SLC25A21: variants seen among roughly 807,000 people sequenced by gnomAD.
SLC25A21 encodes the protein mitochondrial 2-oxodicarboxylate carrier.
A neutral mutation model predicts 43.8 loss-of-function variants in SLC25A21; 47 were observed. The observed-to-expected ratio is 1.07, with a 90% CI of 0.85 to 1.37. The LOEUF is 1.37. SLC25A21 is among the 40% of genes most tolerant of loss of function. SLC25A21 has a pLI of 0.00. For synonymous variants in SLC25A21, 131 were observed against 121.3 expected (o/e 1.08, Z -0.52); for missense variants, 352 against 350.2 (o/e 1.00, Z -0.04).
intron 3 of SLC25A21, among the ~76,000 whole-genome samples, chr14:36,735,530 C>T (rs952291925): frequency 6.6e-6 from 1 of 150,958 alleles, no homozygotes; most frequent in Non-Finnish European, 1.5e-5. Context: ...CTCTGATTCA[C>T]CCCCCAAGCT....
At chr14:37,070,864 C>T (rs181608425) in intron 1 of SLC25A21, among the ~76,000 whole-genome samples, 7 of 152,234 alleles carry the variant, frequency 4.6e-5, no homozygotes, top group East Asian at 1.9e-4. Context: ...AGGTGAGAAG[C>T]GCTCTGCCCC....
At chr14:36,752,102 C>G (rs924925574) in intron 3 of SLC25A21, among the ~76,000 whole-genome samples, 3 of 152,176 alleles carry the variant, frequency 2.0e-5, no homozygotes, top group Admixed American at 6.5e-5. Context: ...AGGCGAAGAA[C>G]AGGCAGAAAA....
intron 1 of SLC25A21, among the ~76,000 whole-genome samples, chr14:37,073,016 T>C (rs1244602306): frequency 6.6e-6 from 1 of 152,312 alleles, no homozygotes; most frequent in African/African-American, 2.4e-5. Context: ...TTCATCCAGT[T>C]GAAAGGGCTA....
intron 3 of SLC25A21, among the ~76,000 whole-genome samples, chr14:36,772,412 A>G (rs1268788923): frequency 2.6e-5 from 4 of 152,216 alleles, no homozygotes; most frequent in Non-Finnish European, 5.9e-5. Context: ...CTTTTGAAAC[A>G]TATGCATTTC....
chr14:36,710,738 A>G (rs1415299339), intron 7 of SLC25A21, among the ~76,000 whole-genome samples: 5 of 152,132 alleles, frequency 3.3e-5, no homozygotes, highest in Admixed American at 6.5e-5. Flanking sequence ...CCTATAAACT[A>G]TCATTTCAAA....
In SLC25A21 at chr14:37,007,067, A is replaced by C. The variant is rs544185114; in HGVS notation, c.71-132063T>G. 1.3e-4 allele frequency among the ~76,000 whole-genome samples: 20 copies of C among 152,354 alleles called. 1 individual carries two copies. In the South Asian group the frequency reaches 4.1e-3, roughly 32 times the overall value. The stretch of plus-strand genomic sequence containing the variant: ...ATGTGAAGACACCATAGGGTGATTA[A>C]GATATTAGAAGGATAGATGATAGAG... On this transcript the variant is annotated intron_variant, in intron 1 of 9. Transcript: ENST00000331299.
intron 1 of SLC25A21, among the ~76,000 whole-genome samples, chr14:37,101,439 G>A (rs1392976191): frequency 6.6e-6 from 1 of 152,126 alleles, no homozygotes; most frequent in Non-Finnish European, 1.5e-5. Context: ...AACCATTTAT[G>A]ACAAGAAATG....
Position 36,856,532 on chromosome 14 carries a change from T to C in SLC25A21, c.119+18424A>G, listed in dbSNP as rs553375628. ...CCAAAGCCAAGACACCAGAGAATGC[T>C]TGATGATCTCCCACTGACTGCTTCC... On this transcript the variant is annotated intron_variant, in intron 2 of 9. Transcript: ENST00000331299. 6.6e-5 allele frequency among the ~76,000 whole-genome samples: 10 copies of C among 152,238 alleles called. No individual in the cohort carries two copies. In the East Asian group the frequency reaches 1.2e-3, roughly 18 times the overall value.
At chr14:36,737,536 TGTTG>T (rs1242690858) in intron 3 of SLC25A21, among the ~76,000 whole-genome samples, 1 of 152,136 alleles carries the variant, frequency 6.6e-6, no homozygotes, top group African/African-American at 2.4e-5. Flanking sequence ...AGGCAGCCTT[TGTTG>T]GTAAATGGAA....
At chr14:36,764,395 C>T (rs1041330695) in intron 3 of SLC25A21, among the ~76,000 whole-genome samples, 3 of 151,422 alleles carry the variant, frequency 2.0e-5, no homozygotes, top group African/African-American at 7.3e-5. Flanking sequence ...AAACAGAAAC[C>T]ATGGAGAAAA....
At chr14:37,150,451 A>G (rs746677078) in intron 1 of SLC25A21, among the ~76,000 whole-genome samples, 3 of 152,138 alleles carry the variant, frequency 2.0e-5, no homozygotes, top group Non-Finnish European at 2.9e-5. Flanking sequence ...CCATTTTTCC[A>G]TACATACACA....
intron 1 of SLC25A21, among the ~76,000 whole-genome samples, chr14:36,946,263 C>T (rs901496999): frequency 2.0e-5 from 3 of 152,074 alleles, no homozygotes; most frequent in African/African-American, 4.8e-5. Context: ...AGCTTTAAAG[C>T]GTCAAGGATC....
chr14:36,965,886 T>C (rs1477998949), intron 1 of SLC25A21, among the ~76,000 whole-genome samples: 2 of 152,192 alleles, frequency 1.3e-5, no homozygotes, highest in African/African-American at 4.8e-5. Context: ...GAGTATAATT[T>C]GATTGCTTGT....
intron 6 of SLC25A21, among the ~76,000 whole-genome samples, chr14:36,715,177 G>C (rs1038792807): frequency 1.3e-5 from 2 of 152,040 alleles, no homozygotes; most frequent in African/African-American, 4.8e-5. Flanking sequence ...TATTTTTCTG[G>C]CAAATGGAGG....
intron 1 of SLC25A21, among the ~76,000 whole-genome samples, chr14:37,071,551 G>C (rs1195120261): frequency 1.3e-5 from 2 of 152,120 alleles, no homozygotes; most frequent in East Asian, 3.9e-4. Flanking sequence ...CTATGTTTTT[G>C]ATAATCATTA....
intron 1 of SLC25A21, among the ~76,000 whole-genome samples, chr14:37,035,668 T>C (rs1360471021): frequency 6.6e-6 from 1 of 152,146 alleles, no homozygotes; most frequent in East Asian, 1.9e-4. Context: ...AAGGAAGACC[T>C]CAAGCTGAAA....
intron 7 of SLC25A21, among the ~76,000 whole-genome samples, chr14:36,694,579 C>T (rs558650484): frequency 5.9e-5 from 9 of 152,180 alleles, no homozygotes; most frequent in Non-Finnish European, 1.3e-4. Context: ...TCTCTTGTTT[C>T]CTGACTTTTT....
chr14:37,054,832 C>G (rs746622920), intron 1 of SLC25A21, among the ~76,000 whole-genome samples: 4 of 152,140 alleles, frequency 2.6e-5, no homozygotes, highest in Non-Finnish European at 5.9e-5. Context: ...AAAATAATCT[C>G]AAAATTATGA....
At chr14:37,018,766 C>T (rs1960918386) in intron 1 of SLC25A21, among the ~76,000 whole-genome samples, 1 of 151,656 alleles carries the variant, frequency 6.6e-6, no homozygotes, top group Non-Finnish European at 1.5e-5. Context: ...TCCCTTTGCA[C>T]TTAGAGGAAA....
Sources: gnomAD v4.1 joint callset for allele counts (sites outside exome capture counted in the v4.1 genomes callset) on GRCh38, gnomAD v4.1.1 for gene constraint, MANE v1.5 for transcripts, NCBI Gene and HGNC (gene_info 2026-07-23, HGNC 2026-07-21) for gene names.